TRPM3: variants seen among roughly 807,000 people sequenced by gnomAD.
TRPM3 encodes transient receptor potential cation channel subfamily M member 3.
A neutral mutation model predicts 181.2 loss-of-function variants in TRPM3; 77 were observed. That is an observed-to-expected ratio of 0.42 (90% confidence interval 0.35 to 0.51). The LOEUF (loss-of-function observed/expected upper bound fraction) is 0.51, where lower values mean the gene tolerates loss of function less well. Among genes scored for constraint, TRPM3 ranks in the 20% least tolerant of loss-of-function variants. The probability of loss-of-function intolerance (pLI) is 0.01; values close to 1 mark genes in which losing one functional copy is unlikely to be tolerated. For synonymous variants in TRPM3, 745 were observed against 796.4 expected, an observed-to-expected ratio of 0.94 and a Z score of 1.09; for missense variants, 1,759 against 2,196.7, an observed-to-expected ratio of 0.80 and a Z score of 3.98.
chr9:71,364,257 A>G (rs2092260538), intron 1 of TRPM3, among the ~76,000 whole-genome samples: 1 of 152,220 alleles, frequency 6.6e-6, no homozygotes, highest in South Asian at 2.1e-4. Flanking sequence ...TTTATTCGCC[A>G]CTGTTAGGAT....
intron 8 of TRPM3, among the ~76,000 whole-genome samples, chr9:70,739,837 C>T (rs187624305): frequency 3.3e-5 from 5 of 152,166 alleles, no homozygotes; most frequent in South Asian, 4.1e-4. Context: ...AGGCTGGTCT[C>T]GAACTACTGG....
intron 22 of TRPM3, among the ~76,000 whole-genome samples, chr9:70,580,541 C>T (rs940114317): frequency 1.3e-5 from 2 of 151,558 alleles, no homozygotes; most frequent in South Asian, 2.1e-4. Flanking sequence ...GGGAGTACCT[C>T]GGACACAGAA....
chr9:70,593,343 T>C (rs1798347208), intron 21 of TRPM3, among the ~76,000 whole-genome samples: 1 of 152,222 alleles, frequency 6.6e-6, no homozygotes. Flanking sequence ...TCATCCTCTC[T>C]CTTATTTTAT....
intron 1 of TRPM3, among the ~76,000 whole-genome samples, chr9:70,910,301 C>G (rs1399342958): frequency 6.6e-6 from 1 of 152,078 alleles, no homozygotes; most frequent in African/African-American, 2.4e-5. Flanking sequence ...TGCAAAGGAA[C>G]ACATGATTCT....
chr9:70,747,512 A>G (rs758144512), intron 8 of TRPM3, among the ~76,000 whole-genome samples: 56 of 151,976 alleles, frequency 3.7e-4, no homozygotes, highest in Non-Finnish European at 6.6e-4. Context: ...CGTTCAAAAG[A>G]GTGATATGAT....
At chr9:70,637,999 A>C (rs2057485373) in intron 11 of TRPM3, among the ~76,000 whole-genome samples, 2 of 152,166 alleles carry the variant, frequency 1.3e-5, no homozygotes, top group Non-Finnish European at 1.5e-5. Flanking sequence ...CAGAACTTAA[A>C]GTATAATAAT....
chr9:70,952,021 C>T (rs548078343), intron 1 of TRPM3, among the ~76,000 whole-genome samples: 1 of 152,106 alleles, frequency 6.6e-6, no homozygotes, highest in Non-Finnish European at 1.5e-5. Context: ...ATCCAAGAAG[C>T]CTTGATTTCA....
chr9:70,630,325 G>A (rs533760284), intron 12 of TRPM3, among the ~76,000 whole-genome samples: 1 of 152,360 alleles, frequency 6.6e-6, no homozygotes, highest in South Asian at 2.1e-4. Context: ...TTGGCAGGCT[G>A]TTCTTACTCC....
intron 19 of TRPM3, among the ~76,000 whole-genome samples, chr9:70,604,024 A>G (rs2060547903): frequency 6.6e-6 from 1 of 152,140 alleles, no homozygotes; most frequent in African/African-American, 2.4e-5. Flanking sequence ...TCATTTCACC[A>G]CTTTCCTGTC....
chr9:71,259,493 T>C (rs2082894063), intron 1 of TRPM3, among the ~76,000 whole-genome samples: 1 of 152,214 alleles, frequency 6.6e-6, no homozygotes, highest in Non-Finnish European at 1.5e-5. Flanking sequence ...GTTGAACTAA[T>C]TTGTATTCCT....
intron 1 of TRPM3, among the ~76,000 whole-genome samples, chr9:71,098,430 C>A (rs1310815087): frequency 6.6e-6 from 1 of 152,174 alleles, no homozygotes; most frequent in Non-Finnish European, 1.5e-5. Context: ...GAAGTTCCTA[C>A]TGGTGTTTTC....
intron 1 of TRPM3, among the ~76,000 whole-genome samples, chr9:71,173,768 T>C (rs945020762): frequency 6.6e-6 from 1 of 152,250 alleles, no homozygotes; most frequent in Non-Finnish European, 1.5e-5. Context: ...GCAGGACACC[T>C]TGAATCAACT....
chr9:71,122,626 G>A (rs759579562), upstream of TRPM3, among the ~76,000 whole-genome samples: 1 of 152,136 alleles, frequency 6.6e-6, no homozygotes, highest in Non-Finnish European at 1.5e-5. Context: ...AGCTGAACTG[G>A]GAGTGGTGCA....
chr9:70,825,243 C>A (rs1349387564), intron 6 of TRPM3: 1 of 152,222 alleles, frequency 6.6e-6, no homozygotes, highest in Admixed American at 6.5e-5. Flanking sequence ...TAGGAGCTAA[C>A]TCTTGACATT....
intron 1 of TRPM3, among the ~76,000 whole-genome samples, chr9:71,010,940 C>T (rs868071009): frequency 1.1e-4 from 17 of 148,874 alleles, no homozygotes; most frequent in Non-Finnish European, 2.4e-4. Flanking sequence ...CATACACACA[C>T]ACACACACAC....
chr9:71,214,510 T>G (rs993968798), intron 1 of TRPM3, among the ~76,000 whole-genome samples: 11 of 152,212 alleles, frequency 7.2e-5, no homozygotes, highest in African/African-American at 2.7e-4. Context: ...GCTGACCAAC[T>G]GCTCTAGACA....
At chr9:70,629,600 G>C (rs1002105795) in intron 12 of TRPM3, among the ~76,000 whole-genome samples, 1 of 152,132 alleles carries the variant, frequency 6.6e-6, no homozygotes, top group Non-Finnish European at 1.5e-5. Context: ...GCCTCCCAAA[G>C]TGTTGGGATT....
At chr9:70,758,856 T>G (rs1230281986) in intron 8 of TRPM3, among the ~76,000 whole-genome samples, 1 of 152,154 alleles carries the variant, frequency 6.6e-6, no homozygotes, top group African/African-American at 2.4e-5. Flanking sequence ...ACTTAAATGT[T>G]GGACCTAAAA....
chr9:71,333,722 T>A (rs2090372259), intron 1 of TRPM3, among the ~76,000 whole-genome samples: 1 of 151,744 alleles, frequency 6.6e-6, no homozygotes, highest in Admixed American at 6.6e-5. Context: ...GAGCCAGAGG[T>A]CCAGTTATGC....
Sources: allele counts gnomAD v4.1 joint callset (sites outside exome capture counted in the v4.1 genomes callset), GRCh38; gene constraint gnomAD v4.1.1; transcripts MANE v1.5; gene names NCBI Gene and HGNC (gene_info 2026-07-23, HGNC 2026-07-21).